Variants in CNTNAP2 observed in about 807,000 individuals in gnomAD.
CNTNAP2 encodes the protein contactin associated protein 2.
CNTNAP2 carries 98 observed loss-of-function variants against 155.2 expected under a neutral mutation model. That is an observed-to-expected ratio of 0.63 (90% CI 0.54 to 0.75). The LOEUF is 0.75. Among genes scored for constraint, CNTNAP2 ranks in the 30% least tolerant of loss-of-function variants. The pLI is 0.00. For synonymous variants in CNTNAP2, 651 were observed against 631.2 expected (o/e 1.03, Z -0.47); for missense variants, 1,727 against 1,688.1 (o/e 1.02, Z -0.40).
At chr7:146,393,638 A>G (rs1295278192) in intron 1 of CNTNAP2, among the ~76,000 whole-genome samples, 1 of 152,110 alleles carries the variant, frequency 6.6e-6, no homozygotes, top group African/African-American at 2.4e-5. Flanking sequence ...TGGAGCTGAA[A>G]GCCTCCTGTT....
intron 8 of CNTNAP2, among the ~76,000 whole-genome samples, chr7:147,258,253 CAT>C (rs1563136384): frequency 6.6e-6 from 1 of 152,018 alleles, no homozygotes; most frequent in East Asian, 1.9e-4. Context: ...GGTACATATT[CAT>C]AGAGTACATG....
intron 1 of CNTNAP2, among the ~76,000 whole-genome samples, chr7:146,493,336 G>A (rs768666217): frequency 5.3e-5 from 8 of 152,206 alleles, no homozygotes; most frequent in African/African-American, 1.2e-4. Context: ...ATTCTATAGC[G>A]CAGAAGGTTA....
intron 23 of CNTNAP2, among the ~76,000 whole-genome samples, chr7:148,411,534 G>A (rs1799838851): frequency 6.6e-6 from 1 of 152,116 alleles, no homozygotes; most frequent in Non-Finnish European, 1.5e-5. Flanking sequence ...CCAAAGTGCT[G>A]GGATTATAGG....
intron 10 of CNTNAP2, among the ~76,000 whole-genome samples, chr7:147,467,000 T>C (rs1276931388): frequency 1.3e-5 from 2 of 152,370 alleles, no homozygotes; most frequent in African/African-American, 2.4e-5. Flanking sequence ...ATGTATCTTA[T>C]ATAGGCTTTT....
At chr7:148,415,367 GGGA>G (rs766398232) in intron 23 of CNTNAP2, 47 bp from the exon 24 acceptor site, 1 of 1,596,740 alleles carries the variant, frequency 6.3e-7, no homozygotes, top group Non-Finnish European at 8.5e-7. Context: ...CAGTGTTGGA[GGGA>G]CTCCCAAGCC....
At chr7:146,588,643 G>A (rs1798735050) in intron 1 of CNTNAP2, among the ~76,000 whole-genome samples, 1 of 151,962 alleles carries the variant, frequency 6.6e-6, no homozygotes, top group African/African-American at 2.4e-5. Context: ...GAGTAGCTGG[G>A]ACTACGAGTG....
Position 147,108,357 on chromosome 7 carries a change from TCTGA to T in CNTNAP2, c.754+11_754+14del, listed in dbSNP as rs762843378. 9.9e-6 allele frequency: 16 copies of T among 1,610,824 alleles called. No homozygotes were observed. The highest frequency in any genetic ancestry group is 1.4e-5 in the Non-Finnish European group (16 of 1,177,768). ...GTCCTCAGTTTAAACTTAGGTGTGT[TCTGA>T]CTGTCAGTTCTATTCTTTCCGTTAT... On this transcript the variant is annotated splice_region_variant and intron_variant, in intron 5 of 23. Transcript: ENST00000361727.
At chr7:147,014,126 A>C (rs1478072996) in intron 3 of CNTNAP2, among the ~76,000 whole-genome samples, 2 of 152,290 alleles carry the variant, frequency 1.3e-5, no homozygotes, top group African/African-American at 2.4e-5. Context: ...GATATCATTG[A>C]ATTAATTCAC....
intron 1 of CNTNAP2, among the ~76,000 whole-genome samples, chr7:146,720,130 C>CTT (rs11341069): frequency 1.3e-5 from 2 of 150,342 alleles, no homozygotes; most frequent in East Asian, 3.9e-4. Context: ...TCATACAAAA[C>CTT]TTTTTTTTTT....
At chr7:147,982,508 G>A (rs1801548506) in intron 15 of CNTNAP2, among the ~76,000 whole-genome samples, 3 of 152,328 alleles carry the variant, frequency 2.0e-5, no homozygotes, top group Middle Eastern at 6.8e-3. Context: ...GGAAGGAAAG[G>A]CAAGGCAGTA....
chr7:147,297,878 A>C (rs1162281434), intron 8 of CNTNAP2, among the ~76,000 whole-genome samples: 1 of 152,156 alleles, frequency 6.6e-6, no homozygotes, highest in Non-Finnish European at 1.5e-5. Context: ...GCTGCAACAA[A>C]CATAGGAGTG....
intron 11 of CNTNAP2, among the ~76,000 whole-genome samples, chr7:147,529,200 T>C (rs542025117): frequency 2.0e-5 from 3 of 152,330 alleles, no homozygotes; most frequent in East Asian, 3.9e-4. Context: ...TTTTATACCA[T>C]GGGTCTCAGT....
intron 1 of CNTNAP2, among the ~76,000 whole-genome samples, chr7:146,671,425 T>TCACACACACACACA (rs1554465666): frequency 5.9e-5 from 4 of 67,230 alleles, no homozygotes; most frequent in Non-Finnish European, 9.7e-5. Context: ...TCTTTTTTTG[T>TCACACACACACACA]CACTCACACA....
intron 8 of CNTNAP2, among the ~76,000 whole-genome samples, chr7:147,294,316 C>T (rs1805381212): frequency 6.6e-6 from 1 of 152,146 alleles, no homozygotes; most frequent in Admixed American, 6.5e-5. Context: ...TTTTCATTCT[C>T]ACTTTTTAGA....
At chr7:148,278,980 C>A (rs911119792) in intron 21 of CNTNAP2, among the ~76,000 whole-genome samples, 3 of 152,038 alleles carry the variant, frequency 2.0e-5, no homozygotes, top group African/African-American at 7.2e-5. Context: ...TGTTCAAGGA[C>A]AGGAAGAAAA....
chr7:146,496,744 A>T (rs1797221261), intron 1 of CNTNAP2, among the ~76,000 whole-genome samples: 1 of 152,122 alleles, frequency 6.6e-6, no homozygotes, highest in Admixed American at 6.6e-5. Context: ...TTTCATGGGG[A>T]TTGAAGAACT....
chr7:146,597,286 A>G (rs1798876683), intron 1 of CNTNAP2, among the ~76,000 whole-genome samples: 1 of 152,048 alleles, frequency 6.6e-6, no homozygotes, highest in Non-Finnish European at 1.5e-5. Context: ...CTTTACTATA[A>G]TACGATCATC....
rs892948638 is a variant in CNTNAP2 at position 146,633,843 on chromosome 7, A to C, written c.98-140428A>C. ...AGACTGCATCTAGAGAAAAAAAAAA[A>C]AAAAAAAAAAAAACAGAAACGTCTA... is the stretch of plus-strand genomic sequence containing the variant. On this transcript the variant is annotated intron_variant, in intron 1 of 23. Transcript: ENST00000361727. Among the ~76,000 whole-genome samples the C allele has an allele frequency of 2.7e-5, 4 of 150,552 alleles. No individual in the cohort carries two copies. In the South Asian group the frequency reaches 6.3e-4, roughly 24 times the overall value.
intron 13 of CNTNAP2, among the ~76,000 whole-genome samples, chr7:147,707,120 A>G (rs1394984624): frequency 6.6e-6 from 1 of 152,136 alleles, no homozygotes; most frequent in Non-Finnish European, 1.5e-5. Flanking sequence ...CAAGGATTTC[A>G]TAAACTTACT....
Sources: gnomAD v4.1 joint callset for allele counts (sites outside exome capture counted in the v4.1 genomes callset) on GRCh38, gnomAD v4.1.1 for gene constraint, MANE v1.5 for transcripts, NCBI Gene and HGNC (gene_info 2026-07-23, HGNC 2026-07-21) for gene names.